ULK1: variants seen among roughly 807,000 people sequenced by gnomAD.
ULK1 encodes the protein unc-51 like autophagy activating kinase 1.
In ULK1, 48 loss-of-function variants were observed where a neutral mutation model predicts 117.5. The ratio of observed to expected loss-of-function variants is 0.41; its 90% CI spans 0.32 to 0.52. The LOEUF (loss-of-function observed/expected upper bound fraction) is 0.52, where lower values mean the gene tolerates loss of function less well. Ranked by LOEUF, ULK1 falls within the 20% of genes least tolerant of loss-of-function variation. ULK1 has a pLI of 0.29. For missense variants in ULK1, 1,387 were observed against 1,473.4 expected, an observed-to-expected ratio of 0.94 and a Z score of 0.96; for synonymous variants, 790 against 637.8, an observed-to-expected ratio of 1.24 and a Z score of -3.60.
Position 131,921,907 on chromosome 12 carries a change from C to T in ULK1, c.*546C>T, listed in dbSNP as rs940885688. On this transcript the variant is annotated 3_prime_UTR_variant, in exon 28 of 28. Transcript: ENST00000321867. ...CTGGGCAGCGATTCCTGGCAGTGGCCTGGTGTTTGTACATACACATATGCA... is the reference window on the plus strand; with the variant it reads ...CTGGGCAGCGATTCCTGGCAGTGGCTTGGTGTTTGTACATACACATATGCA... 8.7e-6 allele frequency: 4 copies of T among 457,196 alleles called. No individual in the cohort carries two copies. Among genetic ancestry groups the T allele is most frequent in the Non-Finnish European group, 1.8e-5 (4 of 227,416 alleles). 28.3% of individuals were successfully genotyped at this position (457,196 alleles called of 1,614,324 possible). A position where few individuals can be genotyped will look rare whatever the true frequency, so the allele number is the denominator to read the frequency against.
chr12:131,895,830 G>A lies in ULK1; in HGVS notation c.246+6G>A. ...TGGCCCTGTACGACTTCCAGGTAAG[G>A]CCTCTGGGCTGCGGTCTGCTGGGGA... On this transcript the variant is annotated splice_donor_region_variant and intron_variant, in intron 3 of 27. Coordinates refer to ENST00000321867, the MANE Select transcript of ULK1 (RefSeq NM_003565.4). 1.2e-6 allele frequency: 2 copies of A among 1,614,154 alleles called. No homozygotes were observed. The highest frequency in any genetic ancestry group is 1.7e-6 in the Non-Finnish European group (2 of 1,180,022).
intron 3 of ULK1, among the ~76,000 whole-genome samples, chr12:131,906,160 C>G (rs1191829917): frequency 6.6e-6 from 1 of 152,118 alleles, no homozygotes; most frequent in Non-Finnish European, 1.5e-5. Flanking sequence ...GTGGCACAGT[C>G]TCGGCTCACT....
chr12:131,919,743 G>C, intron 25 of ULK1, 153 bp downstream of exon 25: 1 of 1,062,124 alleles, frequency 9.4e-7, no homozygotes, highest in Non-Finnish European at 1.4e-6. Flanking sequence ...GCAGAGCACA[G>C]AGGCCATTGG....
chr12:131,919,947 C>T, intron 25 of ULK1, 32 bp from the exon 26 acceptor site: 1 of 1,602,272 alleles, frequency 6.2e-7, no homozygotes, highest in Non-Finnish European at 8.5e-7. Context: ...GTGTCTGCTG[C>T]ACCCTGAGCT....
intron 3 of ULK1, among the ~76,000 whole-genome samples, chr12:131,904,721 C>G (rs1185920906): frequency 1.3e-5 from 2 of 152,090 alleles, no homozygotes; most frequent in Admixed American, 6.5e-5. Context: ...TTAGGGAACC[C>G]CTGGCTCTGG....
At chr12:131,908,528 G>A in intron 5 of ULK1, 116 bp from the exon 6 acceptor site, 1 of 1,292,522 alleles carries the variant, frequency 7.7e-7, no homozygotes, top group Non-Finnish European at 1.0e-6. Context: ...TTTCCTCCCG[G>A]CCTGCGGCCC....
Position 131,921,279 on chromosome 12 carries a change from C to G in ULK1, c.3098-27C>G, listed in dbSNP as rs758971274. On this transcript the variant is annotated intron_variant, in intron 27 of 27. Coordinates refer to ENST00000321867, the MANE Select transcript of ULK1 (RefSeq NM_003565.4). ...TGGGGGCTGGGGACTCTGGGCGTCTCCCTCACACTCCCCTCTCCCTCCACA... is the reference window on the plus strand; with the variant it reads ...TGGGGGCTGGGGACTCTGGGCGTCTGCCTCACACTCCCCTCTCCCTCCACA... 2.5e-6 allele frequency: 4 copies of G among 1,608,124 alleles called. No individual in the cohort carries two copies. In the Admixed American group the frequency reaches 5.0e-5, roughly 20 times the overall value.
In ULK1 at chr12:131,919,464, G is replaced by T. The variant is rs762992420; in HGVS notation, c.2685-8G>T. 2.5e-6 allele frequency: 4 copies of T among 1,608,238 alleles called. No homozygotes were observed. The highest frequency in any genetic ancestry group is 1.1e-5 in the South Asian group (1 of 90,976). ...ACCGGCCTCCTCTGATCTGCCTGCCGCCCCCAGCTTCGCGGAACAGCTGGT... is the reference window on the plus strand; with the variant it reads ...ACCGGCCTCCTCTGATCTGCCTGCCTCCCCCAGCTTCGCGGAACAGCTGGT... On this transcript the variant is annotated splice_region_variant and splice_polypyrimidine_tract_variant and intron_variant, in intron 24 of 27. Coordinates refer to ENST00000321867, the MANE Select transcript of ULK1 (RefSeq NM_003565.4).
At chr12:131,917,610 G>A (rs1889920260) in intron 22 of ULK1, 56 bp downstream of exon 22, 1 of 1,315,396 alleles carries the variant, frequency 7.6e-7, no homozygotes, top group Non-Finnish European at 9.7e-7. Context: ...CAGCGCCCTA[G>A]CGGACGGGGG....
intron 22 of ULK1, 35 bp downstream of exon 22, chr12:131,917,589 TG>T (rs1324977271): frequency 3.7e-6 from 5 of 1,357,724 alleles, no homozygotes; most frequent in Non-Finnish European, 4.8e-6. Context: ...CTGTCCCTTT[TG>T]GGGTGGTGGC....
Position 131,903,914 on chromosome 12 carries a change from G to T in ULK1, c.247-2978G>T, listed in dbSNP as rs1257871529. Among the ~76,000 whole-genome samples the T allele has an allele frequency of 6.6e-6, 1 of 152,126 alleles. No individual in the cohort carries two copies. Among genetic ancestry groups the T allele is most frequent in the Non-Finnish European group, 1.5e-5 (1 of 67,986 alleles). On this transcript the variant is annotated intron_variant, in intron 3 of 27. Transcript: ENST00000321867. The surrounding 1 kb of genome is among the most constrained non-coding windows in gnomAD (Gnocchi z 6.0). ...GGGGTCTCTAGGAAGGTGACCTAGG[G>T]GGTGACATCTGTGACTCTGGGGCAA...
intron 5 of ULK1, 76 bp from the exon 6 acceptor site, chr12:131,908,568 A>G (rs2136390773): frequency 7.1e-7 from 1 of 1,401,820 alleles, no homozygotes; most frequent in South Asian, 1.5e-5. Context: ...GTGTGGCGGG[A>G]CCGGCCTGGC....
At chr12:131,921,261 TG>T in intron 27 of ULK1, 26 bp downstream of exon 27, 3 of 1,607,894 alleles carry the variant, frequency 1.9e-6, no homozygotes. Flanking sequence ...GGCTGGGGGC[TG>T]GGGACTCTGG....
chr12:131,922,429 C>CTTTTTT lies in ULK1; in HGVS notation c.*1068_*1069insTTTTTT. The CTTTTTT allele has an allele frequency of 5.1e-6, 1 of 196,854 alleles. No individual in the cohort carries two copies. Among genetic ancestry groups the CTTTTTT allele is most frequent in the South Asian group, 7.3e-5 (1 of 13,694 alleles). 12.2% of individuals were successfully genotyped at this position (196,854 alleles called of 1,614,324 possible). A position where few individuals can be genotyped will look rare whatever the true frequency, so the allele number is the denominator to read the frequency against. ...CATGCAAAGAAAAAAGTAACATGTGCAAAAGCTCCCCGTCCAGCTTTGACA... is the reference window on the plus strand; with the variant it reads ...CATGCAAAGAAAAAAGTAACATGTGCTTTTTTAAAAGCTCCCCGTCCAGCTTTGACA... On this transcript the variant is annotated 3_prime_UTR_variant, in exon 28 of 28. Transcript: ENST00000321867.
In ULK1 at chr12:131,910,137, G is replaced by T. The variant is rs1282783408; in HGVS notation, c.809-117G>T. 4 of 1,566,748 alleles carry T rather than the reference G, an allele frequency of 2.6e-6. No homozygotes were observed. The Admixed American group carries it at 5.0e-5, about 20-fold the overall frequency. On this transcript the variant is annotated intron_variant, in intron 10 of 27. Transcript: ENST00000321867. ...TTCCACAAGCCAAGCGCAGGCAGGGGCTCCACCTCCGCCCGGGCAGGTGCC... is the reference window on the plus strand; with the variant it reads ...TTCCACAAGCCAAGCGCAGGCAGGGTCTCCACCTCCGCCCGGGCAGGTGCC...
chr12:131,913,365 C>A (rs916295907), intron 14 of ULK1, 107 bp downstream of exon 14: 6 of 1,206,170 alleles, frequency 5.0e-6, no homozygotes, highest in Non-Finnish European at 6.6e-6. Context: ...GCACTCCAGC[C>A]TGGGTGACAG....
At position 131,915,468 on chromosome 12, in the gene ULK1, C is replaced by A. The variant is rs750239163; in HGVS notation, c.1609+47C>A. On this transcript the variant is annotated intron_variant, in intron 18 of 27. Coordinates refer to ENST00000321867, the MANE Select transcript of ULK1 (RefSeq NM_003565.4). ...GAGGGGGTGCTAGGCTGACCTCCCT[C>A]GCTCACGTTGTCATCCTGGTCTAAA... The A allele has an allele frequency of 1.9e-6, 3 of 1,592,196 alleles. No homozygotes were observed. The East Asian group carries it at 6.7e-5, about 36-fold the overall frequency.
intron 11 of ULK1, 138 bp from the exon 12 acceptor site, chr12:131,910,574 G>A: frequency 6.4e-7 from 1 of 1,563,686 alleles, no homozygotes; most frequent in Non-Finnish European, 8.7e-7. Flanking sequence ...CCAGGAGGGA[G>A]CCTCCCTCCT....
chr12:131,898,729 C>T (rs759178041), intron 3 of ULK1, among the ~76,000 whole-genome samples: 3 of 151,732 alleles, frequency 2.0e-5, no homozygotes, highest in Non-Finnish European at 4.4e-5. Flanking sequence ...CTCGAACTGA[C>T]CTCATGATCC....
Sources: allele counts gnomAD v4.1 joint callset (sites outside exome capture counted in the v4.1 genomes callset), GRCh38; gene constraint gnomAD v4.1.1; non-coding constraint Gnocchi (gnomAD v3.1); transcripts MANE v1.5; gene names NCBI Gene and HGNC (gene_info 2026-07-23, HGNC 2026-07-21).